ELK3: variants seen among roughly 807,000 people sequenced by gnomAD.
ELK3 encodes ETS transcription factor ELK3, also known as ETS domain-containing protein Elk-3.
In ELK3, 10 loss-of-function variants were observed where a neutral mutation model predicts 28.9. The ratio of observed to expected loss-of-function variants is 0.35; its 90% CI spans 0.21 to 0.59. The LOEUF (loss-of-function observed/expected upper bound fraction) is 0.59, where lower values mean the gene tolerates loss of function less well. ELK3 is among the 20% of genes least tolerant of loss of function. The pLI, the probability that ELK3 is intolerant of heterozygous loss-of-function variation, is 0.82. For missense variants in ELK3, 463 were observed against 517.3 expected (o/e 0.90, Z 1.02); for synonymous variants, 272 against 243.5 (o/e 1.12, Z -1.09).
intron 3 of ELK3, among the ~76,000 whole-genome samples, chr12:96,248,748 A>G (rs1047470140): frequency 6.6e-6 from 1 of 152,220 alleles, no homozygotes; most frequent in African/African-American, 2.4e-5. Flanking sequence ...CCGCGGCAGC[A>G]TATGACGGGC....
At chr12:96,243,198 AT>A (rs1163122861) in intron 2 of ELK3, among the ~76,000 whole-genome samples, 1 of 152,080 alleles carries the variant, frequency 6.6e-6, no homozygotes. Flanking sequence ...CAATTCACCC[AT>A]TTACCATATA....
intron 2 of ELK3, among the ~76,000 whole-genome samples, chr12:96,235,142 A>G (rs1313456909): frequency 1.3e-5 from 2 of 151,980 alleles, no homozygotes; most frequent in East Asian, 3.9e-4. Context: ...GCCTCCAGGA[A>G]GGAGTCCAAA....
chr12:96,265,678 C>G (rs1365874772), intron 4 of ELK3, among the ~76,000 whole-genome samples: 2 of 152,074 alleles, frequency 1.3e-5, no homozygotes, highest in African/African-American at 4.8e-5. Flanking sequence ...GACCCTATCT[C>G]TAAATAAAAT....
chr12:96,247,812 TC>T lies in ELK3; in HGVS notation c.1002+80del, dbSNP rs1951870691. On this transcript the variant is annotated intron_variant, in intron 3 of 4. Coordinates refer to ENST00000228741, the MANE Select transcript of ELK3 (RefSeq NM_005230.4). This position sits in a 1 kb window ranked among gnomAD's most constrained non-coding sequence, Gnocchi z 5.5. ...AAAAGGAAGAGCAACTAAAGAGACT[TC>T]CTTCTGTCCCTCAAAACGTTGTCCT... is the stretch of plus-strand genomic sequence containing the variant. 9 of 1,409,274 alleles carry T rather than the reference TC, an allele frequency of 6.4e-6. No homozygotes were observed. The highest frequency in any genetic ancestry group is 8.4e-6 in the Non-Finnish European group (9 of 1,072,504). 87.3% of individuals were successfully genotyped at this position (1,409,274 alleles called of 1,614,324 possible). A position where few individuals can be genotyped will look rare whatever the true frequency, so the allele number is the denominator to read the frequency against.
At chr12:96,207,119 C>G (rs1233554646) in intron 1 of ELK3, among the ~76,000 whole-genome samples, 5 of 152,192 alleles carry the variant, frequency 3.3e-5, no homozygotes, top group African/African-American at 1.2e-4. Context: ...AGTTGTTTGT[C>G]TACAAGTCGG....
intron 1 of ELK3, among the ~76,000 whole-genome samples, chr12:96,205,000 G>T (rs1173263084): frequency 6.6e-6 from 1 of 152,250 alleles, no homozygotes; most frequent in Non-Finnish European, 1.5e-5. Context: ...GATGTGGGCT[G>T]CAAGAGGGAG....
At chr12:96,203,814 G>T (rs1273069810) in intron 1 of ELK3, among the ~76,000 whole-genome samples, 1 of 152,162 alleles carries the variant, frequency 6.6e-6, no homozygotes, top group African/African-American at 2.4e-5. Context: ...GGTGGCGCAT[G>T]CCTGTAATCC....
At chr12:96,201,640 A>G (rs1951508676) in intron 1 of ELK3, among the ~76,000 whole-genome samples, 3 of 151,820 alleles carry the variant, frequency 2.0e-5, no homozygotes, top group Admixed American at 1.3e-4. Context: ...ACTCCCTTTC[A>G]AGTCGGAAGC....
chr12:96,229,459 C>T (rs1951725741), intron 2 of ELK3, among the ~76,000 whole-genome samples: 1 of 151,950 alleles, frequency 6.6e-6, no homozygotes, highest in Non-Finnish European at 1.5e-5. Context: ...TTGCAGCAGC[C>T]TCACTCGGAT....
chr12:96,227,789 G>A (rs1490126434), intron 2 of ELK3, among the ~76,000 whole-genome samples: 2 of 152,212 alleles, frequency 1.3e-5, no homozygotes, highest in South Asian at 4.1e-4. Flanking sequence ...CTCCATGACT[G>A]TGGCCGTGTT....
rs112145192 is a variant in ELK3, at chr12:96,211,485, GTT to G, written c.-2-12078_-2-12077del. On this transcript the variant is annotated intron_variant, in intron 1 of 4. Transcript: ENST00000228741. ...AACTGCCCTGGGGATGTCATTGTGT[GTT>G]TGTGTGTGTGTGTGTGTGTGTGTGT... 5.6e-3 allele frequency among the ~76,000 whole-genome samples: 153 copies of G among 27,384 alleles called. 1 individual carries two copies. The South Asian group carries it at 0.17, about 30-fold the overall frequency. The allele number at this position is 27,384 out of a possible 152,430, so 18.0% of individuals were successfully genotyped here. A position where few individuals can be genotyped will look rare whatever the true frequency, so the allele number is the denominator to read the frequency against.
Position 96,247,493 on chromosome 12 carries a change from C to T in ELK3, c.761C>T (p.Ser254Phe), listed in dbSNP as rs1343870705. ...CTGTCCCCCAACTCACCCCTCCCTT[C>T]TGAACACAGAAGCCTCTTCCTGGAG... The part of the protein sequence containing the change: ...PSLSPNSPLP[S>F]EHRSLFLEAA... Residue 254 changes from serine (S) to phenylalanine (F), a missense_variant, in exon 3 of 5, where the codon TCT (serine) becomes TTT (phenylalanine). By Grantham distance (155) the Ser-to-Phe change is radical. Coordinates refer to ENST00000228741, the MANE Select transcript of ELK3 (RefSeq NM_005230.4). This position sits in a 1 kb window ranked among gnomAD's most constrained non-coding sequence, Gnocchi z 5.5. 5 of 1,614,124 alleles carry T rather than the reference C, an allele frequency of 3.1e-6. No homozygotes were observed. The East Asian group carries it at 1.1e-4, about 36-fold the overall frequency.
At chr12:96,252,989 G>A (rs758910901) in intron 3 of ELK3, among the ~76,000 whole-genome samples, 2 of 152,206 alleles carry the variant, frequency 1.3e-5, no homozygotes, top group Non-Finnish European at 2.9e-5. Flanking sequence ...GGCCAGGTGC[G>A]CTGGCTCACG....
chr12:96,221,588 G>A (rs556979132), intron 1 of ELK3, among the ~76,000 whole-genome samples: 6 of 152,324 alleles, frequency 3.9e-5, no homozygotes, highest in Admixed American at 6.5e-5. Flanking sequence ...AAGAATTTGC[G>A]ACAACTGTTA....
chr12:96,250,192 G>A (rs759571989), intron 3 of ELK3, among the ~76,000 whole-genome samples: 9 of 152,204 alleles, frequency 5.9e-5, no homozygotes, highest in Non-Finnish European at 1.3e-4. Context: ...AGATGGTAGA[G>A]CCTCGGGACT....
At chr12:96,263,779 A>C (rs1010614630) in intron 4 of ELK3, among the ~76,000 whole-genome samples, 2 of 152,210 alleles carry the variant, frequency 1.3e-5, no homozygotes, top group African/African-American at 4.8e-5. Context: ...GGAAGGGACC[A>C]GGTGATAGGA....
intron 1 of ELK3, among the ~76,000 whole-genome samples, chr12:96,197,099 C>G (rs1289482244): frequency 6.6e-6 from 1 of 151,936 alleles, no homozygotes; most frequent in African/African-American, 2.4e-5. Flanking sequence ...ATGAGTGTTC[C>G]TTAAGAATGG....
At chr12:96,259,693 G>C in intron 3 of ELK3, 38 bp from the exon 4 acceptor site, 1 of 1,585,670 alleles carries the variant, frequency 6.3e-7, no homozygotes, top group East Asian at 2.3e-5. Flanking sequence ...CAAGTCAGGT[G>C]AACCTATATG....
At chr12:96,258,860 A>G (rs1951971166) in intron 3 of ELK3, among the ~76,000 whole-genome samples, 1 of 152,128 alleles carries the variant, frequency 6.6e-6, no homozygotes, top group African/African-American at 2.4e-5. Flanking sequence ...AACCATTGCC[A>G]GGGCAATGAA....
Sources: gnomAD v4.1 joint callset for allele counts (sites outside exome capture counted in the v4.1 genomes callset) on GRCh38, gnomAD v4.1.1 for gene constraint, Gnocchi (gnomAD v3.1) non-coding constraint, MANE v1.5 for transcripts, NCBI Gene and HGNC (gene_info 2026-07-23, HGNC 2026-07-21) for gene names.